CACNB2: variants seen among roughly 807,000 people sequenced by gnomAD.
CACNB2 encodes voltage-dependent L-type calcium channel subunit beta-2.
A neutral mutation model predicts 73.3 loss-of-function variants in CACNB2; 42 were observed. That is an observed-to-expected ratio of 0.57 (90% CI 0.45 to 0.74). The LOEUF is 0.74. Ranked by LOEUF, CACNB2 falls within the 30% of genes least tolerant of loss-of-function variation. The probability of loss-of-function intolerance (pLI) is 0.00; values close to 1 mark genes in which losing one functional copy is unlikely to be tolerated. For missense variants in CACNB2, 940 were observed against 853.0 expected (o/e 1.10, Z -1.27); for synonymous variants, 348 against 310.3 (o/e 1.12, Z -1.28).
chr10:18,155,640 C>T (rs1231475253), intron 2 of CACNB2, among the ~76,000 whole-genome samples: 2 of 152,130 alleles, frequency 1.3e-5, no homozygotes, highest in Non-Finnish European at 2.9e-5. Context: ...AACAGTTTTC[C>T]AAGATGGTTG....
intron 2 of CACNB2, among the ~76,000 whole-genome samples, chr10:18,202,616 A>G (rs1276486005): frequency 1.3e-5 from 2 of 152,242 alleles, no homozygotes; most frequent in African/African-American, 2.4e-5. Flanking sequence ...AGGATTTAGT[A>G]TAGTTCCTGG....
At chr10:18,146,523 G>A (rs568665865) in intron 1 of CACNB2, among the ~76,000 whole-genome samples, 1 of 151,704 alleles carries the variant, frequency 6.6e-6, no homozygotes, top group Admixed American at 6.6e-5. Flanking sequence ...TGTCACTCAG[G>A]CTGGAGTGCA....
intron 2 of CACNB2, among the ~76,000 whole-genome samples, chr10:18,376,538 G>C (rs1258178401): frequency 6.6e-6 from 1 of 152,166 alleles, no homozygotes; most frequent in Admixed American, 6.6e-5. Flanking sequence ...AATTATTTTA[G>C]ATAAAATAAA....
intron 2 of CACNB2, among the ~76,000 whole-genome samples, chr10:18,212,610 T>G (rs11013027): frequency 0.024 from 3,645 of 152,266 alleles, 149 homozygotes; most frequent in African/African-American, 0.084. Context: ...AATGTTTGCT[T>G]ATTTTTGTTT....
chr10:18,526,364 C>T lies in CACNB2; in HGVS notation c.945-1224C>T, dbSNP rs541147792. On this transcript the variant is annotated intron_variant, in intron 9 of 13. Transcript: ENST00000324631. ...CTGCTCCTGTTCTGTCTAGGGTCCCCTGGTCAGAGGCCCTCTTGTATTGCC... is the reference window on the plus strand; with the variant it reads ...CTGCTCCTGTTCTGTCTAGGGTCCCTTGGTCAGAGGCCCTCTTGTATTGCC... 2.6e-5 allele frequency among the ~76,000 whole-genome samples: 4 copies of T among 152,292 alleles called. No homozygotes were observed. The South Asian group carries it at 8.3e-4, about 32-fold the overall frequency.
intron 2 of CACNB2, chr10:18,400,856 C>T: frequency 2.0e-6 from 3 of 1,491,438 alleles, no homozygotes; most frequent in Admixed American, 2.3e-5. Flanking sequence ...AAGAATCTCC[C>T]TGGATGGGAG....
chr10:18,168,457 T>C (rs1033859739), intron 2 of CACNB2, among the ~76,000 whole-genome samples: 1 of 152,110 alleles, frequency 6.6e-6, no homozygotes, highest in African/African-American at 2.4e-5. Flanking sequence ...ACAGATGATT[T>C]CTTGATATCT....
At position 18,340,753 on chromosome 10, in the gene CACNB2, T is replaced by C. The variant is rs556131650; in HGVS notation, c.214-61171T>C. On this transcript the variant is annotated intron_variant, in intron 2 of 13. Coordinates refer to ENST00000324631, the MANE Select transcript of CACNB2 (RefSeq NM_201596.3). ...AGAGAGCTGTTGTGATCCGACGAAC[T>C]TTAGAAAGTCACACTAACTAAGACT... 308 of 1,517,352 alleles carry C rather than the reference T, an allele frequency of 2.0e-4. 4 individuals carry two copies. The South Asian group carries it at 3.9e-3, about 19-fold the overall frequency. The allele number at this position is 1,517,352 out of a possible 1,614,324, so 94.0% of individuals were successfully genotyped here. A position where few individuals can be genotyped will look rare whatever the true frequency, so the allele number is the denominator to read the frequency against.
intron 2 of CACNB2, among the ~76,000 whole-genome samples, chr10:18,153,050 G>GC (rs1213404852): frequency 8.5e-5 from 13 of 152,110 alleles, no homozygotes; most frequent in African/African-American, 1.7e-4. Flanking sequence ...ACTGGAATTT[G>GC]TTTTTCTTCA....
At chr10:18,257,505 G>A (rs145663092) in intron 2 of CACNB2, among the ~76,000 whole-genome samples, 122 of 152,270 alleles carry the variant, frequency 8.0e-4, no homozygotes, top group African/African-American at 2.5e-3. Context: ...ACCCTTCTTC[G>A]TATACACTAT....
intron 2 of CACNB2, among the ~76,000 whole-genome samples, chr10:18,293,828 A>G (rs2039167208): frequency 6.6e-6 from 1 of 152,218 alleles, no homozygotes; most frequent in Admixed American, 6.5e-5. Context: ...CCAATCATTC[A>G]TGTTAATGAC....
At chr10:18,316,869 C>G (rs1236723799) in intron 2 of CACNB2, among the ~76,000 whole-genome samples, 2 of 152,202 alleles carry the variant, frequency 1.3e-5, no homozygotes, top group African/African-American at 4.8e-5. Flanking sequence ...TTAGCACTGT[C>G]TTAGCCCCAG....
intron 3 of CACNB2, among the ~76,000 whole-genome samples, chr10:18,414,850 C>T (rs533113625): frequency 6.6e-6 from 1 of 151,814 alleles, no homozygotes; most frequent in Non-Finnish European, 1.5e-5. Context: ...ATATGCAGTT[C>T]TTCCCTCCCT....
intron 2 of CACNB2, among the ~76,000 whole-genome samples, chr10:18,165,954 A>AT (rs1254080115): frequency 6.6e-6 from 1 of 152,188 alleles, no homozygotes; most frequent in African/African-American, 2.4e-5. Context: ...TATTGTGTTC[A>AT]TGTTAGATTT....
intron 2 of CACNB2, among the ~76,000 whole-genome samples, chr10:18,289,271 A>AT (rs930453356): frequency 4.6e-5 from 6 of 129,272 alleles, no homozygotes; most frequent in East Asian, 4.2e-4. Flanking sequence ...AGTTGTCTTC[A>AT]TTTTTTTTTC....
At chr10:18,441,143 G>C (rs1234062859) in intron 3 of CACNB2, among the ~76,000 whole-genome samples, 1 of 152,180 alleles carries the variant, frequency 6.6e-6, no homozygotes, top group Non-Finnish European at 1.5e-5. Context: ...GGTGGCTCAC[G>C]CCTGTAATCC....
rs558380693 is a variant in CACNB2 at position 18,170,342 on chromosome 10, C to T, written c.213+19367C>T. ...AGAGCTCTCAGATTCCTACAGATGG[C>T]TTAAGAAAATGCCAGACTCCAGGGA... On this transcript the variant is annotated intron_variant, in intron 2 of 13. Coordinates refer to ENST00000324631, the MANE Select transcript of CACNB2 (RefSeq NM_201596.3). Among the ~76,000 whole-genome samples, 5 of 152,286 alleles carry T rather than the reference C, an allele frequency of 3.3e-5. No homozygotes were observed. In the South Asian group the frequency reaches 1.0e-3, roughly 32 times the overall value.
At chr10:18,535,995 C>G in intron 11 of CACNB2, 106 bp from the exon 12 acceptor site, 1 of 711,334 alleles carries the variant, frequency 1.4e-6, no homozygotes. Flanking sequence ...ATTATAAGCC[C>G]CTTGTGCTGT....
chr10:18,396,085 T>C (rs112483873), intron 2 of CACNB2, among the ~76,000 whole-genome samples: 1,888 of 152,110 alleles, frequency 0.012, 74 homozygotes, highest in South Asian at 0.12. Flanking sequence ...GCCTCCCGAG[T>C]AGCTGGGACC....
Sources: allele counts gnomAD v4.1 joint callset (sites outside exome capture counted in the v4.1 genomes callset), GRCh38; gene constraint gnomAD v4.1.1; transcripts MANE v1.5; gene names NCBI Gene and HGNC (gene_info 2026-07-23, HGNC 2026-07-21).